Variants in RIMKLB observed in about 807,000 individuals in gnomAD.
The protein encoded by RIMKLB is ribosomal modification protein rimK like family member B.
A neutral mutation model predicts 32.0 loss-of-function variants in RIMKLB; 7 were observed. The ratio of observed to expected loss-of-function variants is 0.22; its 90% CI spans 0.12 to 0.41. The LOEUF is 0.41. Among genes scored for constraint, RIMKLB ranks in the 10% least tolerant of loss-of-function variants. The probability of loss-of-function intolerance (pLI) is 1.00; values close to 1 mark genes in which losing one functional copy is unlikely to be tolerated. For missense variants in RIMKLB, 289 were observed against 498.7 expected, an observed-to-expected ratio of 0.58 and a Z score of 4.00; for synonymous variants, 172 against 185.1, an observed-to-expected ratio of 0.93 and a Z score of 0.57.
chr12:8,746,812 G>A (rs1948137737), intron 2 of RIMKLB, among the ~76,000 whole-genome samples: 1 of 151,902 alleles, frequency 6.6e-6, no homozygotes, highest in African/African-American at 2.4e-5. Context: ...TTGATCATAG[G>A]TCACTGCAGT....
At chr12:8,688,823 C>T (rs1942652784) in intron 1 of RIMKLB, among the ~76,000 whole-genome samples, 3 of 151,554 alleles carry the variant, frequency 2.0e-5, no homozygotes, top group Admixed American at 6.6e-5. Context: ...AAGTGCATGA[C>T]GTATTTCTTT....
chr12:8,773,874 G>A lies in RIMKLB; in HGVS notation c.*90G>A, dbSNP rs1950581213. The A allele has an allele frequency of 6.7e-7, 1 of 1,489,658 alleles. No homozygotes were observed. The highest frequency in any genetic ancestry group is 1.4e-5 in the South Asian group (1 of 72,528). 92.3% of individuals were successfully genotyped at this position (1,489,658 alleles called of 1,614,324 possible). A position where few individuals can be genotyped will look rare whatever the true frequency, so the allele number is the denominator to read the frequency against. On this transcript the variant is annotated 3_prime_UTR_variant, in exon 6 of 6. Coordinates refer to ENST00000535829, the MANE Select transcript of RIMKLB (RefSeq NM_001297776.2). Reference sequence around the variant, plus strand: ...CCAACTTGCAATGCTGTTCATGGAGGATGCTCAGGAAGATGAGAGAAAATT... The same window carrying A: ...CCAACTTGCAATGCTGTTCATGGAGAATGCTCAGGAAGATGAGAGAAAATT...
chr12:8,707,187 A>G (rs1284146447), intron 1 of RIMKLB, among the ~76,000 whole-genome samples: 1 of 152,118 alleles, frequency 6.6e-6, no homozygotes. Flanking sequence ...AATTTCTGAC[A>G]CTGTCTCCCA....
chr12:8,672,511 G>A, the RIMKLB span, among the ~76,000 whole-genome samples: 8 of 152,124 alleles, frequency 5.3e-5, no homozygotes, highest in Non-Finnish European at 1.2e-4. Flanking sequence ...AGCAGCAAGA[G>A]AGAATGAGGA....
At chr12:8,709,799 CTATTT>C (rs1944207971) in intron 1 of RIMKLB, among the ~76,000 whole-genome samples, 1 of 152,188 alleles carries the variant, frequency 6.6e-6, no homozygotes, top group Non-Finnish European at 1.5e-5. Context: ...TATAATTGTT[CTATTT>C]TATTGCTAAC....
chr12:8,683,529 T>TG (rs1163969965), intron 1 of RIMKLB, among the ~76,000 whole-genome samples: 1 of 152,244 alleles, frequency 6.6e-6, no homozygotes, highest in East Asian at 1.9e-4. Context: ...CCTTTCCATA[T>TG]GCCCATTTGC....
In RIMKLB at chr12:8,773,917, A is replaced by G; in HGVS notation, c.*133A>G. 2 of 1,439,002 alleles carry G rather than the reference A, an allele frequency of 1.4e-6. No individual in the cohort carries two copies. The highest frequency in any genetic ancestry group is 5.7e-5 in the Admixed American group (2 of 35,326). 89.1% of individuals were successfully genotyped at this position (1,439,002 alleles called of 1,614,324 possible). ...AGAAAATTAGTAGGATTAGTTGGAGAGAGTGGGAGATAGATGAGACCTCTG... is the reference window on the plus strand; with the variant it reads ...AGAAAATTAGTAGGATTAGTTGGAGGGAGTGGGAGATAGATGAGACCTCTG... On this transcript the variant is annotated 3_prime_UTR_variant, in exon 6 of 6. Transcript: ENST00000535829.
chr12:8,703,305 A>G (rs1365724880), intron 1 of RIMKLB, among the ~76,000 whole-genome samples: 3 of 152,142 alleles, frequency 2.0e-5, no homozygotes, highest in Non-Finnish European at 4.4e-5. Context: ...AAAGAAAAGA[A>G]AAAGAGAAAT....
intron 2 of RIMKLB, among the ~76,000 whole-genome samples, chr12:8,747,591 T>C (rs752123711): frequency 3.9e-5 from 6 of 152,308 alleles, no homozygotes; most frequent in Admixed American, 2.0e-4. Flanking sequence ...ATTTTGACCA[T>C]ATAGAAAAGA....
chr12:8,743,090 A>G, intron 2 of RIMKLB: 1 of 152,600 alleles, frequency 6.6e-6, no homozygotes. Flanking sequence ...ACGGTGGCTC[A>G]GGCCTGGAAT....
At chr12:8,705,146 C>A (rs909003944) in intron 1 of RIMKLB, among the ~76,000 whole-genome samples, 3 of 152,190 alleles carry the variant, frequency 2.0e-5, no homozygotes, top group African/African-American at 7.2e-5. Flanking sequence ...TATTTGGAGG[C>A]TTTTATAGTA....
upstream of RIMKLB, among the ~76,000 whole-genome samples, chr12:8,677,643 C>A (rs1179881236): frequency 1.3e-5 from 2 of 152,148 alleles, no homozygotes; most frequent in African/African-American, 4.8e-5. Flanking sequence ...TCTTCATTAT[C>A]CTTAGGATGC....
intron 2 of RIMKLB, among the ~76,000 whole-genome samples, chr12:8,722,391 G>C (rs1395621071): frequency 6.6e-6 from 1 of 152,090 alleles, no homozygotes; most frequent in Non-Finnish European, 1.5e-5. Flanking sequence ...TTTCTGAGTA[G>C]TAGGTCTCAA....
At chr12:8,735,313 T>G (rs1194387864) in intron 2 of RIMKLB, among the ~76,000 whole-genome samples, 1 of 152,216 alleles carries the variant, frequency 6.6e-6, no homozygotes, top group Non-Finnish European at 1.5e-5. Flanking sequence ...CATTGCATCC[T>G]CTACCTCCTG....
At chr12:8,686,640 C>T (rs1250125543) in intron 1 of RIMKLB, among the ~76,000 whole-genome samples, 5 of 150,904 alleles carry the variant, frequency 3.3e-5, no homozygotes, top group South Asian at 2.1e-4. Flanking sequence ...CCACCACGCC[C>T]GGCTAATTTT....
At chr12:8,679,252 T>A (rs1210490525), upstream of RIMKLB, 2 of 152,278 alleles carry the variant, frequency 1.3e-5, no homozygotes, top group East Asian at 3.8e-4. Flanking sequence ...GGCATGATCT[T>A]GGCTCACTGC....
At chr12:8,709,773 T>C (rs967988629) in intron 1 of RIMKLB, among the ~76,000 whole-genome samples, 2 of 152,206 alleles carry the variant, frequency 1.3e-5, no homozygotes, top group East Asian at 3.8e-4. Flanking sequence ...ATATAACTTT[T>C]ATCATAGTAT....
chr12:8,715,227 T>TC lies in RIMKLB; in HGVS notation c.175+1187dup, dbSNP rs1199660530. 2.0e-3 allele frequency among the ~76,000 whole-genome samples: 294 copies of TC among 148,736 alleles called. 3 individuals are homozygous for TC. Among genetic ancestry groups the TC allele is most frequent in the African/African-American group, 7.0e-3 (277 of 39,340 alleles). ...TGCTTAAATGGATAAGTGCTCTTGT[T>TC]CTTTTTTTTTTTTTTTTTTGGAGAC... On this transcript the variant is annotated intron_variant, in intron 2 of 5. Transcript: ENST00000535829.
At chr12:8,676,103 C>T in the RIMKLB span, among the ~76,000 whole-genome samples, 3 of 152,090 alleles carry the variant, frequency 2.0e-5, no homozygotes, top group African/African-American at 7.2e-5. Flanking sequence ...GACAGGGTCT[C>T]ACTTTGTCAC....
Sources: gnomAD v4.1 joint callset for allele counts (sites outside exome capture counted in the v4.1 genomes callset) on GRCh38, gnomAD v4.1.1 for gene constraint, MANE v1.5 for transcripts, NCBI Gene and HGNC (gene_info 2026-07-23, HGNC 2026-07-21) for gene names.